Variants in ZFX observed in about 807,000 individuals in gnomAD.
ZFX encodes zinc finger X-chromosomal protein.
For missense variants in ZFX, 362 were observed against 628.3 expected, an observed-to-expected ratio of 0.58 and a Z score of 4.53; for synonymous variants, 196 against 226.8, an observed-to-expected ratio of 0.86 and a Z score of 1.22.
intron 5 of ZFX, among the ~76,000 whole-genome samples, chrX:24,206,429 C>T (rs1243500267): frequency 9.1e-6 from 1 of 110,123 alleles, no homozygotes; most frequent in African/African-American, 3.3e-5. Flanking sequence ...CTTCACCTCC[C>T]AGGCTCATGT....
At chrX:24,150,539 A>C (rs1473847404) in intron 1 of ZFX, 1 of 112,881 alleles carries the variant, frequency 8.9e-6, no homozygotes, top group Admixed American at 9.2e-5. Flanking sequence ...GCTGCGTTTC[A>C]GCTGAGCTGC....
chrX:24,177,113 T>C (rs1935217156), intron 4 of ZFX, among the ~76,000 whole-genome samples: 1 of 110,746 alleles, frequency 9.0e-6, no homozygotes. Context: ...TTTGTATTTT[T>C]TGTAGAGACA....
chrX:24,157,339 C>T (rs1919387487), intron 3 of ZFX, among the ~76,000 whole-genome samples: 1 of 111,804 alleles, frequency 8.9e-6, no homozygotes, highest in African/African-American at 3.3e-5. Flanking sequence ...TTGCTGAACT[C>T]TCATCATATT....
rs1938200091 is a variant in ZFX at position 24,212,913 on chromosome X, T to C, written c.*1537T>C. On this transcript the variant is annotated 3_prime_UTR_variant, in exon 10 of 10. Coordinates refer to ENST00000304543, the MANE Select transcript of ZFX (RefSeq NM_003410.4). Reference sequence around the variant, plus strand: ...GTTTTTTTTTGTTGTTTTTTTTTCTTAAGACGGAGTCTTGCTCTGTTGCCC... The same window carrying C: ...GTTTTTTTTTGTTGTTTTTTTTTCTCAAGACGGAGTCTTGCTCTGTTGCCC... The C allele has an allele frequency of 9.0e-6, 1 of 111,081 alleles. No homozygotes were observed. Among genetic ancestry groups the C allele is most frequent in the African/African-American group, 3.3e-5 (1 of 30,485 alleles). 9.2% of individuals were successfully genotyped at this position (111,081 alleles called of 1,213,427 possible).
rs926308960 is a variant in ZFX, at chrX:24,193,770, G to A, written c.647-13556G>A. Among the ~76,000 whole-genome samples the A allele has an allele frequency of 7.2e-5, 8 of 111,696 alleles. 1 individual carries two copies. The highest frequency in any genetic ancestry group is 1.5e-4 in the Non-Finnish European group (8 of 53,123). ...TGATAGTTGTGGAATTGTGGCAAAA[G>A]CTTTTAATTTAGTTTTTAAAATTAT... On this transcript the variant is annotated intron_variant, in intron 5 of 9. Coordinates refer to ENST00000304543, the MANE Select transcript of ZFX (RefSeq NM_003410.4).
intron 3 of ZFX, among the ~76,000 whole-genome samples, chrX:24,169,315 G>A (rs1934335922): frequency 9.0e-6 from 1 of 111,636 alleles, no homozygotes; most frequent in Non-Finnish European, 1.9e-5. Flanking sequence ...TCTGTTAATG[G>A]TAGCTTGGGT....
chrX:24,174,097 C>T (rs1934904154), intron 4 of ZFX, among the ~76,000 whole-genome samples: 1 of 110,094 alleles, frequency 9.1e-6, no homozygotes, highest in South Asian at 3.9e-4. Context: ...CTTGTAATCC[C>T]AGCTACTCGG....
chrX:24,170,403 C>T (rs1569134262), intron 3 of ZFX, among the ~76,000 whole-genome samples: 3 of 109,314 alleles, frequency 2.7e-5, no homozygotes, highest in Admixed American at 9.9e-5. Flanking sequence ...GTGATCCACC[C>T]GTCTCAGCCT....
chrX:24,158,394 C>A (rs73201435), intron 3 of ZFX, among the ~76,000 whole-genome samples: 2,570 of 111,230 alleles, frequency 0.023, 31 homozygotes, highest in Non-Finnish European at 0.038. Flanking sequence ...GTTCATAATT[C>A]TTTTGTATAT....
intron 8 of ZFX, 48 bp from the exon 9 acceptor site, chrX:24,208,852 T>G (rs755955956): frequency 8.9e-7 from 1 of 1,118,865 alleles, no homozygotes; most frequent in Admixed American, 2.7e-5. Flanking sequence ...CCTAATTCTT[T>G]AAAATTTATA....
At chrX:24,193,910 C>T (rs1936714976) in intron 5 of ZFX, among the ~76,000 whole-genome samples, 1 of 111,684 alleles carries the variant, frequency 9.0e-6, no homozygotes, top group African/African-American at 3.3e-5. Flanking sequence ...TATCATCCAT[C>T]CCCAGAACTC....
At chrX:24,197,209 C>T (rs1007564867) in intron 5 of ZFX, among the ~76,000 whole-genome samples, 3 of 111,420 alleles carry the variant, frequency 2.7e-5, no homozygotes, top group Admixed American at 9.6e-5. Context: ...GTGGCTTGTA[C>T]CTGTAATCCC....
intron 3 of ZFX, among the ~76,000 whole-genome samples, chrX:24,163,761 G>A (rs766095076): frequency 2.0e-5 from 2 of 102,391 alleles, no homozygotes; most frequent in Non-Finnish European, 3.9e-5. Context: ...TGCTGCAAGT[G>A]ATCTCCTGCC....
At chrX:24,181,626 A>G (rs1253251911) in intron 5 of ZFX, among the ~76,000 whole-genome samples, 1 of 112,015 alleles carries the variant, frequency 8.9e-6, no homozygotes, top group Non-Finnish European at 1.9e-5. Context: ...CTTAGAATAA[A>G]TTTGTAGAAA....
intron 4 of ZFX, chrX:24,173,659 C>A: frequency 1.1e-6 from 1 of 873,828 alleles, no homozygotes; most frequent in Non-Finnish European, 1.6e-6. Context: ...CATCTGGGTC[C>A]ACTGCAACCT....
At chrX:24,164,303 T>C (rs951662249) in intron 3 of ZFX, among the ~76,000 whole-genome samples, 1 of 111,916 alleles carries the variant, frequency 8.9e-6, no homozygotes, top group African/African-American at 3.2e-5. Flanking sequence ...TTAAATTCCA[T>C]GTGCAAAACA....
chrX:24,163,840 G>A (rs2704847), intron 3 of ZFX, among the ~76,000 whole-genome samples: 15,194 of 43,187 alleles, frequency 0.35, 1,510 homozygotes, highest in African/African-American at 0.56. Flanking sequence ...TTAAAAAAAA[G>A]AAAAAAAAAA....
intron 5 of ZFX, among the ~76,000 whole-genome samples, chrX:24,182,931 A>G (rs1935799705): frequency 9.0e-6 from 1 of 111,517 alleles, no homozygotes; most frequent in African/African-American, 3.3e-5. Flanking sequence ...AGACAGGAAG[A>G]CAGTTAAGGA....
At chrX:24,178,254 C>T (rs1205994042) in intron 4 of ZFX, among the ~76,000 whole-genome samples, 1 of 107,032 alleles carries the variant, frequency 9.3e-6, no homozygotes, top group East Asian at 3.0e-4. Flanking sequence ...TTGTAATCTT[C>T]CCTTAAGTAC....
Sources: allele counts gnomAD v4.1 joint callset (sites outside exome capture counted in the v4.1 genomes callset), GRCh38; gene constraint gnomAD v4.1.1; transcripts MANE v1.5; gene names NCBI Gene and HGNC (gene_info 2026-07-23, HGNC 2026-07-21).